Variants in UNC5C observed in about 807,000 individuals in gnomAD.
UNC5C encodes unc-5 netrin receptor C.
UNC5C carries 47 observed loss-of-function variants against 99.8 expected under a neutral mutation model. The observed-to-expected ratio is 0.47, with a 90% CI of 0.37 to 0.60. The LOEUF (loss-of-function observed/expected upper bound fraction) is 0.60. UNC5C is among the 20% of genes least tolerant of loss of function. The probability of loss-of-function intolerance (pLI) is 0.00; values close to 1 mark genes in which losing one functional copy is unlikely to be tolerated. For missense variants in UNC5C, 1,062 were observed against 1,165.9 expected (o/e 0.91, Z 1.30); for synonymous variants, 487 against 452.2 (o/e 1.08, Z -0.98).
intron 4 of UNC5C, among the ~76,000 whole-genome samples, chr4:95,253,420 T>A (rs1011902985): frequency 2.0e-5 from 3 of 152,096 alleles, no homozygotes; most frequent in African/African-American, 7.2e-5. Context: ...GGGTATATGA[T>A]CTTCACTCGA....
chr4:95,200,387 T>C (rs1737608303), intron 12 of UNC5C, among the ~76,000 whole-genome samples: 1 of 152,200 alleles, frequency 6.6e-6, no homozygotes, highest in Non-Finnish European at 1.5e-5. Flanking sequence ...CTCTAGGGTA[T>C]AGGTCTTCAA....
At chr4:95,511,134 C>T (rs373531138) in intron 1 of UNC5C, among the ~76,000 whole-genome samples, 1 of 152,076 alleles carries the variant, frequency 6.6e-6, no homozygotes, top group Admixed American at 6.6e-5. Context: ...GCCTTACAAC[C>T]TTTGATAATG....
At chr4:95,236,429 G>C (rs1442520335) in intron 7 of UNC5C, among the ~76,000 whole-genome samples, 1 of 145,754 alleles carries the variant, frequency 6.9e-6, no homozygotes, top group East Asian at 2.0e-4. Flanking sequence ...ACCGGGGCCT[G>C]TTGAGCAGTT....
intron 5 of UNC5C, among the ~76,000 whole-genome samples, chr4:95,246,764 G>C (rs7439701): frequency 0.26 from 40,090 of 151,684 alleles, 5,931 homozygotes; most frequent in East Asian, 0.58. Context: ...TACATATAAA[G>C]TACTGGTAGT....
At chr4:95,445,334 C>CTT (rs11458322) in intron 1 of UNC5C, among the ~76,000 whole-genome samples, 5,496 of 149,810 alleles carry the variant, frequency 0.037, 120 homozygotes, top group Non-Finnish European at 0.046. Flanking sequence ...AGAAATGAAT[C>CTT]TTTTTTTTTT....
chr4:95,258,911 G>A (rs948736729), intron 4 of UNC5C, among the ~76,000 whole-genome samples: 3 of 149,996 alleles, frequency 2.0e-5, no homozygotes, highest in Admixed American at 1.3e-4. Flanking sequence ...ACAGGCGCCC[G>A]CCACTGCGCC....
intron 1 of UNC5C, among the ~76,000 whole-genome samples, chr4:95,403,019 TA>T: frequency 6.6e-6 from 1 of 152,308 alleles, no homozygotes; most frequent in South Asian, 2.1e-4. Flanking sequence ...TTGATGAGTA[TA>T]AATTACTGCT....
At chr4:95,264,414 AT>A (rs919230786) in intron 4 of UNC5C, among the ~76,000 whole-genome samples, 6 of 152,118 alleles carry the variant, frequency 3.9e-5, no homozygotes, top group African/African-American at 7.2e-5. Context: ...AGTACTCAAT[AT>A]TTTTGTAATT....
chr4:95,410,992 C>T (rs556523828), intron 1 of UNC5C, among the ~76,000 whole-genome samples: 1 of 152,318 alleles, frequency 6.6e-6, no homozygotes, highest in South Asian at 2.1e-4. Context: ...ATAACAATGT[C>T]CACCTAAACT....
rs114476448 is a variant in UNC5C at position 95,466,371 on chromosome 4, T to C, written c.124+82363A>G. 3.6e-3 allele frequency among the ~76,000 whole-genome samples: 547 copies of C among 152,228 alleles called. 2 individuals are homozygous for C. The highest frequency in any genetic ancestry group is 0.013 in the African/African-American group (524 of 41,558). ...GACTTCTAAAAGCAGATAATCAACA[T>C]ATATGAAACTACATATAAACTTCAC... On this transcript the variant is annotated intron_variant, in intron 1 of 15. Transcript: ENST00000453304.
intron 14 of UNC5C, among the ~76,000 whole-genome samples, chr4:95,182,490 G>C (rs1736652486): frequency 6.6e-6 from 1 of 152,070 alleles, no homozygotes; most frequent in Non-Finnish European, 1.5e-5. Context: ...AAAGGGAGGA[G>C]AGTTGCTGAG....
At chr4:95,209,830 C>A (rs561808104) in intron 10 of UNC5C, among the ~76,000 whole-genome samples, 2 of 152,188 alleles carry the variant, frequency 1.3e-5, no homozygotes, top group African/African-American at 4.8e-5. Flanking sequence ...TCTATTTTTT[C>A]CTCTCCTGGA....
chr4:95,448,153 G>C (rs1247342680), intron 1 of UNC5C, among the ~76,000 whole-genome samples: 1 of 151,478 alleles, frequency 6.6e-6, no homozygotes, highest in Non-Finnish European at 1.5e-5. Context: ...AAATGGTGGT[G>C]ATGTTAGCAT....
chr4:95,303,667 T>A (rs893373510), intron 2 of UNC5C, among the ~76,000 whole-genome samples: 3 of 152,182 alleles, frequency 2.0e-5, no homozygotes, highest in Admixed American at 1.3e-4. Flanking sequence ...TGAGCGAGAC[T>A]TTGTCTCAAA....
rs6148582 is a variant in UNC5C at position 95,545,772 on chromosome 4, G to GCGCACACACACACACACA, written c.124+2961_124+2962insTGTGTGTGTGTGTGTGCG. On this transcript the variant is annotated intron_variant, in intron 1 of 15. Transcript: ENST00000453304. ...TGATCTCACACACACGCGCGCGCGCGCACACACACACACACACACACACTG... is the reference window on the plus strand; with the variant it reads ...TGATCTCACACACACGCGCGCGCGCGCGCACACACACACACACACACACACACACACACACACACACTG... Among the ~76,000 whole-genome samples the GCGCACACACACACACACA allele has an allele frequency of 2.0e-3, 295 of 148,392 alleles. 1 individual carries two copies. Among genetic ancestry groups the GCGCACACACACACACACA allele is most frequent in the South Asian group, 0.013 (62 of 4,690 alleles).
chr4:95,245,180 A>G, intron 5 of UNC5C, 36 bp from the exon 6 acceptor site: 2 of 1,598,416 alleles, frequency 1.3e-6, no homozygotes, highest in South Asian at 2.3e-5. Flanking sequence ...TGGATTAAAC[A>G]TGTGTGCATG....
At chr4:95,349,697 TA>T (rs919893892) in intron 1 of UNC5C, among the ~76,000 whole-genome samples, 50 of 151,730 alleles carry the variant, frequency 3.3e-4, no homozygotes, top group African/African-American at 1.1e-3. Flanking sequence ...ACTGACTCTA[TA>T]AAAAAAATCA....
chr4:95,428,336 T>C (rs759678894), intron 1 of UNC5C, among the ~76,000 whole-genome samples: 3 of 152,188 alleles, frequency 2.0e-5, no homozygotes, highest in Non-Finnish European at 4.4e-5. Context: ...CATGAACTGC[T>C]ACTGTCAAGC....
At chr4:95,256,699 A>AATATATATATATATATAAATAT (rs1553958326) in intron 4 of UNC5C, among the ~76,000 whole-genome samples, 7 of 90,462 alleles carry the variant, frequency 7.7e-5, no homozygotes, top group South Asian at 1.0e-3. Flanking sequence ...GAACTAAATA[A>AATATATATATATATATAAATAT]ATATATATAT....
Sources: gnomAD v4.1 joint callset for allele counts (sites outside exome capture counted in the v4.1 genomes callset) on GRCh38, gnomAD v4.1.1 for gene constraint, MANE v1.5 for transcripts, NCBI Gene and HGNC (gene_info 2026-07-23, HGNC 2026-07-21) for gene names.